The following ZNF385D variants were observed in gnomAD, a reference collection of about 807,000 sequenced individuals.
ZNF385D encodes zinc finger protein 659.
In ZNF385D, 15 loss-of-function variants were observed where a neutral mutation model predicts 35.8. That is an observed-to-expected ratio of 0.42 (90% CI 0.28 to 0.64). The LOEUF is 0.64. ZNF385D is among the 30% of genes least tolerant of loss of function. ZNF385D has a pLI of 0.23. For synonymous variants in ZNF385D, 212 were observed against 186.8 expected, an observed-to-expected ratio of 1.13 and a Z score of -1.10; for missense variants, 474 against 494.6, an observed-to-expected ratio of 0.96 and a Z score of 0.39.
chr3:21,677,395 A>G (rs778857708), intron 1 of ZNF385D, among the ~76,000 whole-genome samples: 2 of 152,064 alleles, frequency 1.3e-5, no homozygotes, highest in Non-Finnish European at 2.9e-5. Flanking sequence ...AGGCACATAT[A>G]CATCTTGACT....
intron 3 of ZNF385D, among the ~76,000 whole-genome samples, chr3:22,089,953 C>T (rs2125599700): frequency 6.6e-6 from 1 of 152,230 alleles, no homozygotes. Context: ...ATTCCCCTGC[C>T]TCAGCCTCTC....
chr3:21,721,330 G>C (rs2068532354), intron 1 of ZNF385D, among the ~76,000 whole-genome samples: 1 of 151,506 alleles, frequency 6.6e-6, no homozygotes, highest in Non-Finnish European at 1.5e-5. Flanking sequence ...CATTTCATTT[G>C]ATATGAAGAA....
chr3:21,933,287 C>A (rs953024029), intron 3 of ZNF385D, among the ~76,000 whole-genome samples: 1 of 152,176 alleles, frequency 6.6e-6, no homozygotes, highest in East Asian at 1.9e-4. Flanking sequence ...AAAGGTTCAT[C>A]ACAGCTTCTT....
At chr3:21,975,704 T>TAC (rs1703557327) in intron 3 of ZNF385D, among the ~76,000 whole-genome samples, 1 of 1,064 alleles carries the variant, frequency 9.4e-4, no homozygotes, top group Non-Finnish European at 2.1e-3. Context: ...ACCCACGAAA[T>TAC]ATATATATAT....
chr3:22,149,130 C>A (rs1452355580), intron 3 of ZNF385D, among the ~76,000 whole-genome samples: 1 of 152,064 alleles, frequency 6.6e-6, no homozygotes, highest in Non-Finnish European at 1.5e-5. Flanking sequence ...AACCCCGGAC[C>A]TGTATCAGAA....
At chr3:22,345,584 T>C (rs1055484184) in intron 2 of ZNF385D, among the ~76,000 whole-genome samples, 2 of 152,156 alleles carry the variant, frequency 1.3e-5, no homozygotes, top group Non-Finnish European at 2.9e-5. Context: ...CGTCAAACAA[T>C]AACGAAGTAA....
At chr3:21,636,377 AT>A (rs1266978058) in intron 2 of ZNF385D, among the ~76,000 whole-genome samples, 1 of 50,728 alleles carries the variant, frequency 2.0e-5, no homozygotes, top group Non-Finnish European at 3.5e-5. Context: ...TATATATATG[AT>A]TATATATATA....
chr3:21,862,285 T>C (rs1697095180), intron 3 of ZNF385D, among the ~76,000 whole-genome samples: 1 of 146,966 alleles, frequency 6.8e-6, no homozygotes, highest in Non-Finnish European at 1.5e-5. Context: ...TGAGGCAGGA[T>C]ATCTCTACTT....
chr3:22,334,423 G>A (rs1212271232), intron 2 of ZNF385D, among the ~76,000 whole-genome samples: 1 of 152,012 alleles, frequency 6.6e-6, no homozygotes, highest in African/African-American at 2.4e-5. Flanking sequence ...TTTAAATTCT[G>A]TGATATTTTA....
intron 3 of ZNF385D, among the ~76,000 whole-genome samples, chr3:21,973,452 C>T (rs909083202): frequency 6.6e-5 from 10 of 151,810 alleles, no homozygotes; most frequent in African/African-American, 7.2e-5. Context: ...ACAGACTCAC[C>T]GCTAGTATCA....
chr3:21,982,011 T>A (rs1461628743), intron 3 of ZNF385D, among the ~76,000 whole-genome samples: 2 of 152,098 alleles, frequency 1.3e-5, no homozygotes, highest in East Asian at 3.8e-4. Flanking sequence ...CCTCCAGCTT[T>A]GTTCTTTGTG....
At chr3:21,461,923 A>G (rs753251089) in intron 4 of ZNF385D, among the ~76,000 whole-genome samples, 14 of 152,012 alleles carry the variant, frequency 9.2e-5, no homozygotes, top group South Asian at 2.1e-4. Flanking sequence ...GCACTTAAGT[A>G]TCTGACTTAG....
At chr3:21,701,239 C>T (rs963881826) in intron 1 of ZNF385D, among the ~76,000 whole-genome samples, 11 of 152,230 alleles carry the variant, frequency 7.2e-5, no homozygotes, top group Admixed American at 1.3e-4. Context: ...CCACACGGCT[C>T]GGTAGGCCTC....
intron 3 of ZNF385D, among the ~76,000 whole-genome samples, chr3:22,102,753 G>T (rs1194200172): frequency 6.6e-6 from 1 of 151,982 alleles, no homozygotes; most frequent in Non-Finnish European, 1.5e-5. Flanking sequence ...CAAGATTAAA[G>T]AAAACTCATA....
At chr3:21,998,442 C>T (rs907366402) in intron 3 of ZNF385D, among the ~76,000 whole-genome samples, 1 of 152,174 alleles carries the variant, frequency 6.6e-6, no homozygotes, top group African/African-American at 2.4e-5. Context: ...CTTTTAGTGT[C>T]ACTATGAGAA....
chr3:22,107,026 G>GTTGTTTTTTTTTTTTTTTTTTTTTTTTT (rs538697822), intron 3 of ZNF385D, among the ~76,000 whole-genome samples: 1 of 118,830 alleles, frequency 8.4e-6, no homozygotes, highest in African/African-American at 3.0e-5. Flanking sequence ...TGGAATGAGA[G>GTTGTTTTTTTTTTTTTTTTTTTTTTTTT]TTTTTTTTTT....
At chr3:21,819,999 C>T (rs1333540126) in intron 3 of ZNF385D, among the ~76,000 whole-genome samples, 1 of 150,378 alleles carries the variant, frequency 6.6e-6, no homozygotes, top group Non-Finnish European at 1.5e-5. Context: ...AATGAATCAT[C>T]ATAATACACA....
At chr3:22,361,523 G>C (rs1435869992) in intron 2 of ZNF385D, among the ~76,000 whole-genome samples, 5 of 151,998 alleles carry the variant, frequency 3.3e-5, no homozygotes, top group African/African-American at 1.2e-4. Flanking sequence ...GCCTATCTTG[G>C]AGTACATTTT....
chr3:21,563,954 T>G lies in ZNF385D; in HGVS notation c.276+620A>C, dbSNP rs555583436. On this transcript the variant is annotated intron_variant, in intron 3 of 7. Coordinates refer to ENST00000281523, the MANE Select transcript of ZNF385D (RefSeq NM_024697.3). The stretch of plus-strand genomic sequence containing the variant: ...TTAGAAATGGTAGAAAAGGTGTGAA[T>G]AACTCCCTGAATAACTTGTGAACCA... 3.3e-5 allele frequency among the ~76,000 whole-genome samples: 5 copies of G among 152,158 alleles called. No homozygotes were observed. The South Asian group carries it at 1.0e-3, about 32-fold the overall frequency.
Sources: allele counts gnomAD v4.1 joint callset (sites outside exome capture counted in the v4.1 genomes callset), GRCh38; gene constraint gnomAD v4.1.1; transcripts MANE v1.5; gene names NCBI Gene and HGNC (gene_info 2026-07-23, HGNC 2026-07-21).